The following MAP3K1 variants were observed in gnomAD, a reference collection of about 807,000 sequenced individuals.
MAP3K1 encodes mitogen-activated protein kinase kinase kinase 1, also known as MAP/ERK kinase kinase 1.
In MAP3K1, 36 loss-of-function variants were observed where a neutral mutation model predicts 144.2. That is an observed-to-expected ratio of 0.25 (90% CI 0.19 to 0.33). MAP3K1 has a LOEUF of 0.33. Among genes scored for constraint, MAP3K1 ranks in the 10% least tolerant of loss-of-function variants. The pLI is 1.00. For missense variants in MAP3K1, 1,650 were observed against 1,881.9 expected (o/e 0.88, Z 2.28); for synonymous variants, 718 against 688.7 (o/e 1.04, Z -0.67).
intron 1 of MAP3K1, among the ~76,000 whole-genome samples, chr5:56,816,663 C>G (rs1269548226): frequency 1.3e-5 from 2 of 152,140 alleles, no homozygotes; most frequent in South Asian, 2.1e-4. Flanking sequence ...CGGCGCGCCC[C>G]CAGCGCCGGC....
At chr5:56,858,348 A>G (rs2111869316) in intron 2 of MAP3K1, among the ~76,000 whole-genome samples, 1 of 152,330 alleles carries the variant, frequency 6.6e-6, no homozygotes, top group East Asian at 1.9e-4. Context: ...AGTTCTCTAA[A>G]ACAAAATTTT....
intron 1 of MAP3K1, among the ~76,000 whole-genome samples, chr5:56,846,377 A>G (rs1746997346): frequency 6.6e-6 from 1 of 152,230 alleles, no homozygotes; most frequent in South Asian, 2.1e-4. Context: ...ATGCCTACAC[A>G]CCAAGGGTGT....
chr5:56,820,513 T>C (rs1303807647), intron 1 of MAP3K1: 1 of 984,114 alleles, frequency 1.0e-6, no homozygotes, highest in Non-Finnish European at 1.2e-6. Flanking sequence ...CTTGTATATG[T>C]AATACAAGTA....
At chr5:56,826,880 G>C (rs985284525) in intron 1 of MAP3K1, among the ~76,000 whole-genome samples, 1 of 152,238 alleles carries the variant, frequency 6.6e-6, no homozygotes, top group African/African-American at 2.4e-5. Context: ...TGGGGACACA[G>C]CAGGAGGGAA....
In MAP3K1 at chr5:56,815,945, T is replaced by G; in HGVS notation, c.372T>G (p.Leu124=). 7.9e-7 allele frequency: 1 copy of G among 1,259,984 alleles called. No homozygotes were observed. Among genetic ancestry groups the G allele is most frequent in the Non-Finnish European group, 1.0e-6 (1 of 1,004,026 alleles). 78.1% of individuals were successfully genotyped at this position (1,259,984 alleles called of 1,614,324 possible). ...HGAASRGGAH[L]TESVAAPDSG... Reference sequence around the variant, plus strand: ...CCGCGAGCCGCGGCGGCGCCCACCTTACCGAGTCGGTGGCGGCGCCGGACA... The same window carrying G: ...CCGCGAGCCGCGGCGGCGCCCACCTGACCGAGTCGGTGGCGGCGCCGGACA... The change falls in exon 1 of 20, where the codon CTT becomes CTG. Residue 124 remains leucine, a synonymous_variant. Coordinates refer to ENST00000399503, the MANE Select transcript of MAP3K1 (RefSeq NM_005921.2).
intron 1 of MAP3K1, among the ~76,000 whole-genome samples, chr5:56,833,312 C>T (rs1480528776): frequency 6.6e-6 from 1 of 152,236 alleles, no homozygotes; most frequent in African/African-American, 2.4e-5. Flanking sequence ...TTAATACATA[C>T]ATTTTTTTGC....
At chr5:56,825,967 C>CTT (rs200937350) in intron 1 of MAP3K1, among the ~76,000 whole-genome samples, 31 of 146,244 alleles carry the variant, frequency 2.1e-4, no homozygotes, top group Non-Finnish European at 4.1e-4. Context: ...GACCGTTCTT[C>CTT]TTTTTTTTTT....
At chr5:56,835,482 C>T (rs1746625173) in intron 1 of MAP3K1, among the ~76,000 whole-genome samples, 1 of 151,718 alleles carries the variant, frequency 6.6e-6, no homozygotes, top group South Asian at 2.1e-4. Context: ...AGGAAGAGGA[C>T]TTTTTCCAAG....
intron 1 of MAP3K1, among the ~76,000 whole-genome samples, chr5:56,823,037 A>G (rs10471992): frequency 0.047 from 7,128 of 152,186 alleles, 587 homozygotes; most frequent in African/African-American, 0.16. Flanking sequence ...GTCCGTTCCA[A>G]TCTGTATTAG....
chr5:56,871,129 A>C (rs1747837253), intron 6 of MAP3K1, among the ~76,000 whole-genome samples: 1 of 152,170 alleles, frequency 6.6e-6, no homozygotes, highest in Non-Finnish European at 1.5e-5. Flanking sequence ...CAATATAATT[A>C]ACCATTATGT....
intron 16 of MAP3K1, 67 bp downstream of exon 16, chr5:56,884,893 C>T (rs1412612705): frequency 7.0e-7 from 1 of 1,430,568 alleles, no homozygotes. Context: ...TTAGGAAAAA[C>T]CAGTTTAATT....
chr5:56,888,038 C>A (rs1414845434), intron 18 of MAP3K1, 188 bp from the exon 19 acceptor site: 3 of 618,486 alleles, frequency 4.9e-6, no homozygotes, highest in Non-Finnish European at 8.4e-6. Flanking sequence ...TCACAATTCT[C>A]CAAAATATTT....
intron 6 of MAP3K1, among the ~76,000 whole-genome samples, 158 bp downstream of exon 6, chr5:56,866,135 G>A (rs1747664221): frequency 1.3e-5 from 2 of 152,174 alleles, no homozygotes; most frequent in African/African-American, 4.8e-5. Context: ...AAAGTTCGCT[G>A]GGCATGGTGG....
chr5:56,877,766 G>A (rs866171593), intron 10 of MAP3K1, among the ~76,000 whole-genome samples: 1 of 152,058 alleles, frequency 6.6e-6, no homozygotes, highest in Admixed American at 6.6e-5. Flanking sequence ...TTCTGCTGTT[G>A]TCTTTTTTCT....
Position 56,829,491 on chromosome 5 carries a change from A to G in MAP3K1, c.482+13436A>G, listed in dbSNP as rs549336527. 7.2e-5 allele frequency among the ~76,000 whole-genome samples: 11 copies of G among 151,896 alleles called. No homozygotes were observed. The East Asian group carries it at 1.7e-3, about 24-fold the overall frequency. ...GTGTGAGCCACCATGCCGAGCCCGC[A>G]TTGCTGTTTTTTATACACTGAACTG... is the stretch of plus-strand genomic sequence containing the variant. On this transcript the variant is annotated intron_variant, in intron 1 of 19. Coordinates refer to ENST00000399503, the MANE Select transcript of MAP3K1 (RefSeq NM_005921.2).
intron 3 of MAP3K1, among the ~76,000 whole-genome samples, chr5:56,861,726 G>C (rs145616224): frequency 2.1e-3 from 319 of 152,256 alleles, no homozygotes; most frequent in Middle Eastern, 6.8e-3. Context: ...TAGCTGTCTT[G>C]TATATTAAGC....
intron 2 of MAP3K1, among the ~76,000 whole-genome samples, chr5:56,857,032 T>TATAAAATTATAAAATTATAAAA (rs1747364221): frequency 1.3e-5 from 2 of 152,198 alleles, no homozygotes; most frequent in Admixed American, 1.3e-4. Context: ...ATTGGAGTTT[T>TATAAAATTATAAAATTATAAAA]ATACTGTACT....
At chr5:56,866,883 C>CATTG (rs1204027811) in intron 6 of MAP3K1, among the ~76,000 whole-genome samples, 4 of 152,224 alleles carry the variant, frequency 2.6e-5, no homozygotes, top group African/African-American at 9.6e-5. Flanking sequence ...AGTTTTTAGA[C>CATTG]ATTGAAGATT....
At chr5:56,888,414 C>G (rs548031125) in intron 19 of MAP3K1, 57 bp downstream of exon 19, 1 of 1,559,066 alleles carries the variant, frequency 6.4e-7, no homozygotes, top group Admixed American at 1.7e-5. Context: ...CAGAATTTGG[C>G]AGGAGGCAAA....
Sources: allele counts gnomAD v4.1 joint callset (sites outside exome capture counted in the v4.1 genomes callset), GRCh38; gene constraint gnomAD v4.1.1; transcripts MANE v1.5; gene names NCBI Gene and HGNC (gene_info 2026-07-23, HGNC 2026-07-21).